SLC13A5: variants seen among roughly 807,000 people sequenced by gnomAD.
The protein encoded by SLC13A5 is Na(+)/citrate cotransporter.
A neutral mutation model predicts 56.5 loss-of-function variants in SLC13A5; 25 were observed. That is an observed-to-expected ratio of 0.44 (90% confidence interval 0.32 to 0.62). The LOEUF (loss-of-function observed/expected upper bound fraction) is 0.62, where lower values mean the gene tolerates loss of function less well. Among genes scored for constraint, SLC13A5 ranks in the 20% least tolerant of loss-of-function variants. SLC13A5 has a pLI of 0.04. For synonymous variants in SLC13A5, 307 were observed against 301.5 expected (o/e 1.02, Z -0.19); for missense variants, 649 against 737.8 (o/e 0.88, Z 1.39).
Position 6,692,050 on chromosome 17 carries a change from C to T in SLC13A5, c.1275+994G>A, listed in dbSNP as rs1973419695. 3.3e-5 allele frequency among the ~76,000 whole-genome samples: 5 copies of T among 152,274 alleles called. No homozygotes were observed. The South Asian group carries it at 1.0e-3, about 32-fold the overall frequency. On this transcript the variant is annotated intron_variant, in intron 9 of 11. Coordinates refer to ENST00000433363, the MANE Select transcript of SLC13A5 (RefSeq NM_177550.5). The surrounding 1 kb of genome is among the most constrained non-coding windows in gnomAD (Gnocchi z 5.5). Reference sequence around the variant, plus strand: ...TCTGCCACGAACAGGGACCGTATCTCAATCTCCTCTGTAATCTCTGTGCCT... The same window carrying T: ...TCTGCCACGAACAGGGACCGTATCTTAATCTCCTCTGTAATCTCTGTGCCT...
At position 6,707,026 on chromosome 17, in the gene SLC13A5, A is replaced by T; in HGVS notation, c.231+2T>A. On this transcript the variant is annotated splice_donor_variant, in intron 2 of 11. Transcript: ENST00000433363. LOFTEE classifies it high-confidence loss of function. ...TCACCAGGATCCCTTGGGTCTGCTC[A>T]CCTGCCTGGAGTCCAGAATCTGGAA... is the stretch of plus-strand genomic sequence containing the variant. 6.2e-7 allele frequency: 1 copy of T among 1,613,824 alleles called. No individual in the cohort carries two copies. Among genetic ancestry groups the T allele is most frequent in the African/African-American group, 1.3e-5 (1 of 75,042 alleles).
At position 6,687,160 on chromosome 17, in the gene SLC13A5, C is replaced by A. The variant is rs1381918800; in HGVS notation, c.1575+369G>T. On this transcript the variant is annotated intron_variant, in intron 11 of 11. Coordinates refer to ENST00000433363, the MANE Select transcript of SLC13A5 (RefSeq NM_177550.5). This position sits in a 1 kb window ranked among gnomAD's most constrained non-coding sequence, Gnocchi z 5.0. ...CTCTGTGACTGTCATTAGCATCCCC[C>A]TGCTGCCTAAGCCTGCCCTGCCTAT... 1 of 243,440 alleles carries A rather than the reference C, an allele frequency of 4.1e-6. No individual in the cohort carries two copies. Among genetic ancestry groups the A allele is most frequent in the Non-Finnish European group, 7.9e-6 (1 of 126,028 alleles). 15.1% of individuals were successfully genotyped at this position (243,440 alleles called of 1,614,324 possible).
rs759321881 is a variant in SLC13A5, at chr17:6,713,189, A to C, written c.102+43T>G. On this transcript the variant is annotated intron_variant, in intron 1 of 11. Transcript: ENST00000433363. This position sits in a 1 kb window ranked among gnomAD's most constrained non-coding sequence, Gnocchi z 7.3. ...GGGATCGGTGCCCGTTAGTGGGCACAGGACGCCGGGTGTCCGAAGGGCTGC... is the reference window on the plus strand; with the variant it reads ...GGGATCGGTGCCCGTTAGTGGGCACCGGACGCCGGGTGTCCGAAGGGCTGC... 6.3e-7 allele frequency: 1 copy of C among 1,590,182 alleles called. No individual in the cohort carries two copies. The highest frequency in any genetic ancestry group is 1.1e-5 in the South Asian group (1 of 90,104).
In SLC13A5 at chr17:6,712,213, C is replaced by T. The variant is rs1002329242; in HGVS notation, c.102+1019G>A. Among the ~76,000 whole-genome samples, 7 of 152,168 alleles carry T rather than the reference C, an allele frequency of 4.6e-5. No individual in the cohort carries two copies. The East Asian group carries it at 9.7e-4, about 21-fold the overall frequency. On this transcript the variant is annotated intron_variant, in intron 1 of 11. Transcript: ENST00000433363. ...CAGTGCACTCCCTTCCTCTAGAGCT[C>T]CCCCCCAGAGCATCCCCTGAAGAGC...
intron 9 of SLC13A5, among the ~76,000 whole-genome samples, chr17:6,691,188 C>T (rs1973397961): frequency 6.6e-6 from 1 of 152,324 alleles, no homozygotes; most frequent in African/African-American, 2.4e-5. Context: ...ATCCAGATGT[C>T]CCAAGAGCAC....
rs1019111261 is a variant in SLC13A5 at position 6,685,990 on chromosome 17, G to A, written c.*217C>T. ...AAGATGGGTCCAGCAGCCCACTGAG[G>A]GGTTCCCTTCATTTCTGAGCCTACC... On this transcript the variant is annotated 3_prime_UTR_variant, in exon 12 of 12. Coordinates refer to ENST00000433363, the MANE Select transcript of SLC13A5 (RefSeq NM_177550.5). The surrounding 1 kb of genome is among the most constrained non-coding windows in gnomAD (Gnocchi z 4.2). 1 of 638,872 alleles carries A rather than the reference G, an allele frequency of 1.6e-6. No individual in the cohort carries two copies. Among genetic ancestry groups the A allele is most frequent in the African/African-American group, 1.8e-5 (1 of 55,352 alleles). The allele number at this position is 638,872 out of a possible 1,614,324, so 39.6% of individuals were successfully genotyped here.
rs905855511 is a variant in SLC13A5, at chr17:6,713,129, C to T, written c.102+103G>A. 31 of 1,189,878 alleles carry T rather than the reference C, an allele frequency of 2.6e-5. No individual in the cohort carries two copies. Among genetic ancestry groups the T allele is most frequent in the South Asian group, 9.3e-5 (7 of 75,334 alleles). The allele number at this position is 1,189,878 out of a possible 1,614,324, so 73.7% of individuals were successfully genotyped here. A position where few individuals can be genotyped will look rare whatever the true frequency, so the allele number is the denominator to read the frequency against. ...CGCGCGCCCCGGGAGAGCTGTGCTC[C>T]CCGCGAAATCCGTGCGCTCCAGCTC... On this transcript the variant is annotated intron_variant, in intron 1 of 11. Coordinates refer to ENST00000433363, the MANE Select transcript of SLC13A5 (RefSeq NM_177550.5). The surrounding 1 kb of genome is among the most constrained non-coding windows in gnomAD (Gnocchi z 7.3).
chr17:6,699,296 G>A (rs893766848), intron 6 of SLC13A5, among the ~76,000 whole-genome samples: 25 of 152,054 alleles, frequency 1.6e-4, no homozygotes, highest in African/African-American at 6.0e-4. Context: ...CCCTGGTGCA[G>A]ATTCAAGAGG....
intron 1 of SLC13A5, among the ~76,000 whole-genome samples, chr17:6,712,132 A>G (rs1974057016): frequency 6.6e-6 from 1 of 152,220 alleles, no homozygotes; most frequent in Non-Finnish European, 1.5e-5. Context: ...CTAAAGTCAC[A>G]CAGATGACAG....
rs1973697965 is a variant in SLC13A5 at position 6,701,021 on chromosome 17, A to G, written c.822T>C (p.Phe274=). 6.2e-7 allele frequency: 1 copy of G among 1,614,222 alleles called. No individual in the cohort carries two copies. Among genetic ancestry groups the G allele is most frequent in the Admixed American group, 1.7e-5 (1 of 60,036 alleles). The change falls in exon 6 of 12, where the codon TTT becomes TTC. Residue 274 remains phenylalanine, a synonymous_variant. Transcript: ENST00000433363. This position sits in a 1 kb window ranked among gnomAD's most constrained non-coding sequence, Gnocchi z 4.1. ...MLLFAWLWLQ[F]VYMRFNFKKS... is the part of the protein sequence containing the mutation. Reference sequence around the variant, plus strand: ...AAACTTACTTGAATCTCATGTAAACAAACTGGAGCCACAGCCAGGCGAACA... The same window carrying G: ...AAACTTACTTGAATCTCATGTAAACGAACTGGAGCCACAGCCAGGCGAACA...
At chr17:6,690,090 A>AAAAC (rs1973364008) in intron 10 of SLC13A5, 4 of 141,374 alleles carry the variant, frequency 2.8e-5, no homozygotes, top group African/African-American at 8.5e-5. Context: ...AAAAAAAAAA[A>AAAAC]AAAAACCATA....
intron 9 of SLC13A5, among the ~76,000 whole-genome samples, chr17:6,691,692 T>C (rs1973409322): frequency 6.6e-6 from 1 of 152,194 alleles, no homozygotes; most frequent in Non-Finnish European, 1.5e-5. Flanking sequence ...TCCAAAGTTC[T>C]GAGCCTGAGT....
chr17:6,696,750 A>G (rs904775174), intron 6 of SLC13A5, among the ~76,000 whole-genome samples: 1 of 152,114 alleles, frequency 6.6e-6, no homozygotes, highest in Admixed American at 6.5e-5. Flanking sequence ...AGTTCCAGCC[A>G]CTGTTGGTTT....
intron 6 of SLC13A5, among the ~76,000 whole-genome samples, chr17:6,700,041 C>T (rs971086070): frequency 6.6e-6 from 1 of 152,182 alleles, no homozygotes; most frequent in Non-Finnish European, 1.5e-5. Context: ...AGTCTCTTCC[C>T]TCTGGTCACA....
At chr17:6,696,051 C>T (rs1445376547) in intron 6 of SLC13A5, 110 bp from the exon 7 acceptor site, 17 of 925,368 alleles carry the variant, frequency 1.8e-5, no homozygotes, top group African/African-American at 5.0e-5. Flanking sequence ...ACACATAATG[C>T]TGTCCTCGCC....
In SLC13A5 at chr17:6,703,125, A is replaced by G. The variant is rs775666858; in HGVS notation, c.561T>C (p.Ile187=). Residue 187 remains isoleucine (I), a synonymous_variant, in exon 5 of 12, where the codon ATT becomes ATC. Transcript: ENST00000433363. ...GCTGCCCCAGAGTGGGGCCTTCAAAAATCACTTGACTCCCTGTGGTGGGCA... is the reference window on the plus strand; with the variant it reads ...GCTGCCCCAGAGTGGGGCCTTCAAAGATCACTTGACTCCCTGTGGTGGGCA... ...KAKELPGSQV[I]FEGPTLGQQE... 14 of 1,613,996 alleles carry G rather than the reference A, an allele frequency of 8.7e-6. No homozygotes were observed. The highest frequency in any genetic ancestry group is 2.2e-5 in the South Asian group (2 of 91,084).
intron 6 of SLC13A5, among the ~76,000 whole-genome samples, chr17:6,696,477 G>A (rs1417264764): frequency 1.3e-5 from 2 of 152,080 alleles, no homozygotes; most frequent in Non-Finnish European, 2.9e-5. Context: ...CCTGGGGTTA[G>A]CAGCAAGCAT....
At chr17:6,698,008 G>A (rs1044901088) in intron 6 of SLC13A5, among the ~76,000 whole-genome samples, 1 of 152,234 alleles carries the variant, frequency 6.6e-6, no homozygotes, top group Non-Finnish European at 1.5e-5. Flanking sequence ...GGAGGTCCAT[G>A]AGGCCACAAA....
chr17:6,687,441 T>C lies in SLC13A5; in HGVS notation c.1575+88A>G. On this transcript the variant is annotated intron_variant, in intron 11 of 11. Transcript: ENST00000433363. The surrounding 1 kb of genome is among the most constrained non-coding windows in gnomAD (Gnocchi z 5.0). ...GGCATTCCCAAGTCACATGACATCG[T>C]TTTGAAACTCTGTCATTCATAAATG... 6.4e-7 allele frequency: 1 copy of C among 1,574,000 alleles called. No homozygotes were observed. The highest frequency in any genetic ancestry group is 1.8e-5 in the Admixed American group (1 of 55,230).
Sources: gnomAD v4.1 joint callset for allele counts (sites outside exome capture counted in the v4.1 genomes callset) on GRCh38, gnomAD v4.1.1 for gene constraint, Gnocchi (gnomAD v3.1) non-coding constraint, MANE v1.5 for transcripts, NCBI Gene and HGNC (gene_info 2026-07-23, HGNC 2026-07-21) for gene names.